The following COL6A2 variants were observed in gnomAD, a reference collection of about 807,000 sequenced individuals.
The protein encoded by COL6A2 is collagen type VI alpha 2 chain, also known as collagen alpha-2(VI) chain.
A neutral mutation model predicts 124.9 loss-of-function variants in COL6A2; 90 were observed. That is an observed-to-expected ratio of 0.72 (90% CI 0.61 to 0.86). The LOEUF (loss-of-function observed/expected upper bound fraction) is 0.86. COL6A2 is among the 40% of genes least tolerant of loss of function. The pLI, the probability that COL6A2 is intolerant of heterozygous loss-of-function variation, is 0.00. For synonymous variants in COL6A2, 793 were observed against 618.2 expected (o/e 1.28, Z -4.19); for missense variants, 1,607 against 1,502.5 (o/e 1.07, Z -1.15).
Position 46,116,565 on chromosome 21 carries a change from G to C in COL6A2, c.928-86G>C, listed in dbSNP as rs1418410436. On this transcript the variant is annotated intron_variant, in intron 8 of 27. Transcript: ENST00000300527. This position sits in a 1 kb window ranked among gnomAD's most constrained non-coding sequence, Gnocchi z 4.6. ...GGGGGGTCCTGTGGCCTTGAGTTTGGCCCAAGGGCTTTGCCCCCCAGAGGC... is the reference window on the plus strand; with the variant it reads ...GGGGGGTCCTGTGGCCTTGAGTTTGCCCCAAGGGCTTTGCCCCCCAGAGGC... 4 of 1,600,238 alleles carry C rather than the reference G, an allele frequency of 2.5e-6. No homozygotes were observed. Among genetic ancestry groups the C allele is most frequent in the Non-Finnish European group, 3.4e-6 (4 of 1,170,112 alleles).
Position 46,129,353 on chromosome 21 carries a change from G to A in COL6A2, c.2462-2601G>A, listed in dbSNP as rs1601259744. On this transcript the variant is annotated intron_variant, in intron 27 of 27. Transcript: ENST00000300527. ...CCGCCTACTCCCAGCTGGTGGCCGT[G>A]CTGGTCTACACCGCCGAGCGGGCCA... 4 of 1,612,950 alleles carry A rather than the reference G, an allele frequency of 2.5e-6. No homozygotes were observed. The South Asian group carries it at 4.4e-5, about 18-fold the overall frequency.
At chr21:46,122,971 G>A (rs772091370) in intron 21 of COL6A2, 34 bp downstream of exon 21, 4 of 1,605,036 alleles carry the variant, frequency 2.5e-6, no homozygotes, top group Non-Finnish European at 3.4e-6. Flanking sequence ...CACAGCAGCT[G>A]GGCAGAGGCA....
Position 46,116,415 on chromosome 21 carries a change from G to A in COL6A2, c.927+12G>A, listed in dbSNP as rs1049368336. ...TCAAAGGAGAGAAGGTGAGGCTCTT[G>A]CCCTGACAGACCTCAGACCTGCGCC... On this transcript the variant is annotated intron_variant, in intron 8 of 27. Transcript: ENST00000300527. The surrounding 1 kb of genome is among the most constrained non-coding windows in gnomAD (Gnocchi z 4.6). 24 of 1,612,564 alleles carry A rather than the reference G, an allele frequency of 1.5e-5. No individual in the cohort carries two copies. The African/African-American group carries it at 2.8e-4, about 19-fold the overall frequency.
intron 13 of COL6A2, 136 bp from the exon 14 acceptor site, chr21:46,118,894 C>G: frequency 1.1e-6 from 1 of 937,724 alleles, no homozygotes; most frequent in Admixed American, 2.0e-5. Context: ...TCCAGGGGAC[C>G]CTGCAGGGCC....
chr21:46,129,244 A>C (rs769555002), intron 27 of COL6A2: 13 of 1,612,690 alleles, frequency 8.1e-6, no homozygotes. Context: ...CTCCGCACGG[A>C]AGAGGGGCCG....
rs768836349 is a variant in COL6A2, at chr21:46,116,796, C to G, written c.981C>G (p.Asn327Lys). The G allele has an allele frequency of 1.2e-6, 2 of 1,612,954 alleles. No homozygotes were observed. The highest frequency in any genetic ancestry group is 1.7e-5 in the Admixed American group (1 of 60,026). The change falls in exon 10 of 28, where the codon AAC (asparagine) becomes AAG (lysine). Residue 327 changes from asparagine to lysine, a missense_variant. Coordinates refer to ENST00000300527, the MANE Select transcript of COL6A2 (RefSeq NM_001849.4). The surrounding 1 kb of genome is among the most constrained non-coding windows in gnomAD (Gnocchi z 4.6). The stretch of plus-strand genomic sequence containing the variant: ...GGGCCCCTGGCCTGGCTGGCAAGAA[C>G]GGGACCGATGGACAGAAGGTAGAGG... ...RKGAPGLAGK[N>K]GTDGQKGKLG...
intron 5 of COL6A2, 106 bp downstream of exon 5, chr21:46,114,179 C>T: frequency 1.1e-6 from 1 of 950,998 alleles, no homozygotes; most frequent in East Asian, 2.4e-5. Context: ...GTAATCCCAG[C>T]ACTTTGGGAG....
chr21:46,116,675 A>AAGGTAGGCTGGCT lies in COL6A2; in HGVS notation c.953_954+11dup, dbSNP rs1296230355. On this transcript the variant is annotated frameshift_variant and splice_region_variant, in exon 9 of 28. Transcript: ENST00000300527. LOFTEE classifies it high-confidence loss of function. The surrounding 1 kb of genome is among the most constrained non-coding windows in gnomAD (Gnocchi z 4.6). The stretch of plus-strand genomic sequence containing the variant: ...GGGTGAATTTGGAGCCGACGGTCGC[A>AAGGTAGGCTGGCT]AGGTAGGCTGGCTGGGTAGGCAGAG... 2 of 1,612,898 alleles carry AAGGTAGGCTGGCT rather than the reference A, an allele frequency of 1.2e-6. No individual in the cohort carries two copies. The highest frequency in any genetic ancestry group is 1.7e-6 in the Non-Finnish European group (2 of 1,180,032).
At chr21:46,129,502 CCCGCCCAGCCGGGCTG>C (rs1388925134) in intron 27 of COL6A2, 3 of 1,552,244 alleles carry the variant, frequency 1.9e-6, no homozygotes, top group South Asian at 1.2e-5. Flanking sequence ...AGCCCGGGCA[CCCGCCCAGCCGGGCTG>C]GGCCCTCCCT....
Position 46,118,691 on chromosome 21 carries a change from C to T in COL6A2, c.1179+15C>T. The T allele has an allele frequency of 6.2e-7, 1 of 1,606,002 alleles. No individual in the cohort carries two copies. Reference sequence around the variant, plus strand: ...AGGGAAGCAAGGTGAGCCCCTCTGCCTCTTCGCCTGCAGCTGAGCTGGCCA... The same window carrying T: ...AGGGAAGCAAGGTGAGCCCCTCTGCTTCTTCGCCTGCAGCTGAGCTGGCCA... On this transcript the variant is annotated intron_variant, in intron 13 of 27. Coordinates refer to ENST00000300527, the MANE Select transcript of COL6A2 (RefSeq NM_001849.4).
At chr21:46,113,824 T>C in intron 4 of COL6A2, 184 bp from the exon 5 acceptor site, 1 of 672,894 alleles carries the variant, frequency 1.5e-6, no homozygotes, top group South Asian at 1.6e-5. Flanking sequence ...TTGTCCCTGA[T>C]GGGGGCAGAG....
At position 46,129,218 on chromosome 21, in the gene COL6A2, G is replaced by T. The variant is rs556063675; in HGVS notation, c.2461+2677G>T. 3.7e-6 allele frequency: 6 copies of T among 1,612,900 alleles called. No homozygotes were observed. The African/African-American group carries it at 8.0e-5, about 21-fold the overall frequency. On this transcript the variant is annotated intron_variant, in intron 27 of 27. Coordinates refer to ENST00000300527, the MANE Select transcript of COL6A2 (RefSeq NM_001849.4). The stretch of plus-strand genomic sequence containing the variant: ...CAGATGCACCGTGGCCTGGCGGCGA[G>T]CCCCCGGTCACCTTCCTCCGCACGG...
chr21:46,121,162 A>C, intron 17 of COL6A2, 39 bp downstream of exon 17: 1 of 1,593,784 alleles, frequency 6.3e-7, no homozygotes, highest in Non-Finnish European at 8.6e-7. Flanking sequence ...CTCTGACCCC[A>C]CGGGTGGGTC....
chr21:46,124,306 C>CGAATGGGT (rs371037497), intron 21 of COL6A2, among the ~76,000 whole-genome samples: 1 of 150,132 alleles, frequency 6.7e-6, no homozygotes, highest in Non-Finnish European at 1.5e-5. Flanking sequence ...GGCGAATGGG[C>CGAATGGGT]GAATGGGTGG....
intron 1 of COL6A2, among the ~76,000 whole-genome samples, chr21:46,101,847 A>ATTTTTTTTT (rs56083556): frequency 2.8e-5 from 2 of 71,512 alleles, no homozygotes; most frequent in African/African-American, 6.4e-5. Context: ...ATCTTTCACG[A>ATTTTTTTTT]TTTTTTTTTT....
At chr21:46,126,375 G>T (rs989827898) in intron 26 of COL6A2, 128 bp from the exon 27 acceptor site, 51 of 1,513,220 alleles carry the variant, frequency 3.4e-5, no homozygotes, top group Non-Finnish European at 4.5e-5. Context: ...GAAGGGGTCG[G>T]GCCCTCTCGG....
chr21:46,125,643 C>T, intron 25 of COL6A2, 26 bp downstream of exon 25: 1 of 1,161,352 alleles, frequency 8.6e-7, no homozygotes, highest in Non-Finnish European at 1.3e-6. Flanking sequence ...GCGGGTGCAG[C>T]ATTGCGGGGG....
Position 46,117,387 on chromosome 21 carries a change from C to A in COL6A2, c.1000-13C>A, listed in dbSNP as rs766018522. On this transcript the variant is annotated splice_polypyrimidine_tract_variant and intron_variant, in intron 10 of 27. Coordinates refer to ENST00000300527, the MANE Select transcript of COL6A2 (RefSeq NM_001849.4). ...CCCCGCCCTGAGACTCCTCCTGCCC[C>A]CTTCTCCTTCAGGGCAAGCTGGGGC... 3 of 1,612,486 alleles carry A rather than the reference C, an allele frequency of 1.9e-6. No individual in the cohort carries two copies. Among genetic ancestry groups the A allele is most frequent in the Admixed American group, 3.3e-5 (2 of 59,980 alleles).
intron 1 of COL6A2, among the ~76,000 whole-genome samples, chr21:46,109,562 C>A (rs2078372602): frequency 6.6e-6 from 1 of 152,116 alleles, no homozygotes; most frequent in South Asian, 2.1e-4. Flanking sequence ...GCTGCTGGTA[C>A]CAAGGGGCAC....
Sources: allele counts gnomAD v4.1 joint callset (sites outside exome capture counted in the v4.1 genomes callset), GRCh38; gene constraint gnomAD v4.1.1; non-coding constraint Gnocchi (gnomAD v3.1); transcripts MANE v1.5; gene names NCBI Gene and HGNC (gene_info 2026-07-23, HGNC 2026-07-21).